IPCEF1: variants seen among roughly 807,000 people sequenced by gnomAD.
IPCEF1 encodes the protein interactor protein for cytohesin exchange factors 1.
IPCEF1 carries 31 observed loss-of-function variants against 50.9 expected under a neutral mutation model. The ratio of observed to expected loss-of-function variants is 0.61; its 90% CI spans 0.46 to 0.82. The LOEUF is 0.82. IPCEF1 is among the 40% of genes least tolerant of loss of function. The probability of loss-of-function intolerance (pLI) is 0.00; values close to 1 mark genes in which losing one functional copy is unlikely to be tolerated. For missense variants in IPCEF1, 458 were observed against 514.0 expected, an observed-to-expected ratio of 0.89 and a Z score of 1.05; for synonymous variants, 181 against 192.0, an observed-to-expected ratio of 0.94 and a Z score of 0.47.
chr6:154,214,679 ATT>A (rs1321994871), intron 7 of IPCEF1, among the ~76,000 whole-genome samples: 4 of 152,218 alleles, frequency 2.6e-5, no homozygotes, highest in Admixed American at 6.5e-5. Flanking sequence ...ATGTCAGTTT[ATT>A]TTAGAAAAAA....
At chr6:154,241,714 G>A (rs868439659) in intron 5 of IPCEF1, among the ~76,000 whole-genome samples, 1 of 152,196 alleles carries the variant, frequency 6.6e-6, no homozygotes, top group Middle Eastern at 3.4e-3. Flanking sequence ...CTGGCCTTCT[G>A]GCAGCTCCCT....
intron 1 of IPCEF1, among the ~76,000 whole-genome samples, chr6:154,296,878 G>A (rs905476585): frequency 4.0e-5 from 6 of 151,696 alleles, no homozygotes; most frequent in African/African-American, 1.2e-4. Context: ...CAACGGTTTT[G>A]GATAAAAACA....
At chr6:154,306,258 C>T (rs1162839939) in intron 1 of IPCEF1, among the ~76,000 whole-genome samples, 1 of 152,198 alleles carries the variant, frequency 6.6e-6, no homozygotes, top group Non-Finnish European at 1.5e-5. Flanking sequence ...TGTCTTCTCA[C>T]TCAAGCTTGC....
intron 10 of IPCEF1, among the ~76,000 whole-genome samples, chr6:154,188,266 T>C (rs913168779): frequency 1.3e-5 from 2 of 152,220 alleles, no homozygotes; most frequent in Non-Finnish European, 2.9e-5. Flanking sequence ...TTTAAAACTA[T>C]GAAATATATA....
At position 154,295,146 on chromosome 6, in the gene IPCEF1, T is replaced by C. The variant is rs578215065; in HGVS notation, c.-61-5390A>G. Among the ~76,000 whole-genome samples the C allele has an allele frequency of 9.9e-5, 15 of 151,926 alleles. No individual in the cohort carries two copies. The South Asian group carries it at 1.0e-3, about 11-fold the overall frequency. ...CCAGGAGGCGGGGATTGCAGTGAGC[T>C]GAGATTGCGCCACTGCACTCCAGCC... On this transcript the variant is annotated intron_variant, in intron 1 of 11. Coordinates refer to ENST00000367220, the MANE Select transcript of IPCEF1 (RefSeq NM_001130700.2).
At position 154,340,166 on chromosome 6, in the gene IPCEF1, A is replaced by G. The variant is rs958680156; in HGVS notation, c.-62+16506T>C. ...CCAAGGTTGAGGATGCGCGCCCGTG[A>G]CACAGCCTTAGGAAGTCTTGACGAC... On this transcript the variant is annotated intron_variant, in intron 1 of 11. Transcript: ENST00000367220. Among the ~76,000 whole-genome samples the G allele has an allele frequency of 7.9e-5, 12 of 152,286 alleles. No homozygotes were observed. In the East Asian group the frequency reaches 2.3e-3, roughly 29 times the overall value.
intron 1 of IPCEF1, among the ~76,000 whole-genome samples, chr6:154,313,142 A>G (rs1276332002): frequency 6.7e-6 from 1 of 148,474 alleles, no homozygotes; most frequent in Non-Finnish European, 1.5e-5. Context: ...GAGACTGTGG[A>G]GGGCAGATCA....
intron 3 of IPCEF1, among the ~76,000 whole-genome samples, chr6:154,263,988 G>A (rs1472972916): frequency 2.0e-5 from 2 of 100,078 alleles, no homozygotes; most frequent in African/African-American, 8.8e-5. Flanking sequence ...TGGGGCGGCT[G>A]GCCGGGCGGG....
intron 1 of IPCEF1, among the ~76,000 whole-genome samples, chr6:154,326,271 G>A (rs1783517208): frequency 6.6e-6 from 1 of 150,776 alleles, no homozygotes; most frequent in Non-Finnish European, 1.5e-5. Context: ...GTTTCACATA[G>A]TAAAAATACA....
At chr6:154,219,497 T>G (rs1201885038) in intron 7 of IPCEF1, among the ~76,000 whole-genome samples, 1 of 152,132 alleles carries the variant, frequency 6.6e-6, no homozygotes, top group East Asian at 1.9e-4. Context: ...AAAGACCATT[T>G]GGGATGAACT....
chr6:154,239,556 C>T (rs1780408434), intron 5 of IPCEF1, among the ~76,000 whole-genome samples: 1 of 152,190 alleles, frequency 6.6e-6, no homozygotes, highest in Non-Finnish European at 1.5e-5. Context: ...AAACCGGTCA[C>T]CTACAGCTGC....
rs561815771 is a variant in IPCEF1 at position 154,307,508 on chromosome 6, C to A, written c.-61-17752G>T. On this transcript the variant is annotated intron_variant, in intron 1 of 11. Transcript: ENST00000367220. ...GTGTGAAAACGGACTAATACACAGT[C>A]ACATTCTGATGTACTGGGGTTAGGA... Among the ~76,000 whole-genome samples, 9 of 152,272 alleles carry A rather than the reference C, an allele frequency of 5.9e-5. 1 individual carries two copies. In the South Asian group the frequency reaches 1.5e-3, roughly 25 times the overall value.
At chr6:154,304,735 GGA>G (rs1782887698) in intron 1 of IPCEF1, among the ~76,000 whole-genome samples, 1 of 152,046 alleles carries the variant, frequency 6.6e-6, no homozygotes, top group African/African-American at 2.4e-5. Context: ...TTCATACCTG[GGA>G]AATTTCCTGC....
At chr6:154,332,295 T>C (rs1331707441) in intron 1 of IPCEF1, among the ~76,000 whole-genome samples, 2 of 151,692 alleles carry the variant, frequency 1.3e-5, no homozygotes, top group Non-Finnish European at 2.9e-5. Context: ...GTGGTTTTTT[T>C]TTTTTTTTTT....
chr6:154,330,955 T>C (rs1000248632), intron 1 of IPCEF1, among the ~76,000 whole-genome samples: 5 of 152,170 alleles, frequency 3.3e-5, no homozygotes, highest in African/African-American at 1.2e-4. Flanking sequence ...GGCTCCTTCC[T>C]ACCCCAGGGA....
intron 10 of IPCEF1, among the ~76,000 whole-genome samples, chr6:154,177,806 T>A (rs2128563590): frequency 6.6e-6 from 1 of 152,324 alleles, no homozygotes; most frequent in Non-Finnish European, 1.5e-5. Context: ...TCCAAAGGAT[T>A]ATAAATCATG....
chr6:154,183,222 G>A lies in IPCEF1; in HGVS notation c.911-15109C>T, dbSNP rs1331799622. 4.6e-5 allele frequency among the ~76,000 whole-genome samples: 7 copies of A among 152,076 alleles called. 1 individual carries two copies. Among genetic ancestry groups the A allele is most frequent in the South Asian group, 4.2e-4 (2 of 4,816 alleles). ...TCTCGATCTCCTGACCTCGTGATCT[G>A]CCCATCTTGGCCTCCCAAAGTGCTG... On this transcript the variant is annotated intron_variant, in intron 10 of 11. Transcript: ENST00000367220.
rs745932303 is a variant in IPCEF1, at chr6:154,246,774, A to C, written c.77-14T>G. ...TCGTGAGAAAACCTGCAATGATTAC[A>C]TGAAGAGGTAGATAATGTATTACCC... On this transcript the variant is annotated splice_polypyrimidine_tract_variant and intron_variant, in intron 4 of 11. Transcript: ENST00000367220. The C allele has an allele frequency of 1.2e-6, 2 of 1,613,140 alleles. No homozygotes were observed. The highest frequency in any genetic ancestry group is 1.7e-6 in the Non-Finnish European group (2 of 1,179,516).
At chr6:154,185,670 CG>C in intron 10 of IPCEF1, among the ~76,000 whole-genome samples, 1 of 151,976 alleles carries the variant, frequency 6.6e-6, no homozygotes, top group East Asian at 1.9e-4. Context: ...ACTTTTAATC[CG>C]GGGGTGTCCA....
Sources: allele counts gnomAD v4.1 joint callset (sites outside exome capture counted in the v4.1 genomes callset), GRCh38; gene constraint gnomAD v4.1.1; transcripts MANE v1.5; gene names NCBI Gene and HGNC (gene_info 2026-07-23, HGNC 2026-07-21).